LRRC8C: variants seen among roughly 807,000 people sequenced by gnomAD.
The protein encoded by LRRC8C is volume-regulated anion channel subunit LRRC8C.
In LRRC8C, 20 loss-of-function variants were observed where a neutral mutation model predicts 55.3. The ratio of observed to expected loss-of-function variants is 0.36; its 90% CI spans 0.25 to 0.53. The LOEUF (loss-of-function observed/expected upper bound fraction) is 0.53. Ranked by LOEUF, LRRC8C falls within the 20% of genes least tolerant of loss-of-function variation. The pLI is 0.92. For synonymous variants in LRRC8C, 376 were observed against 360.7 expected (o/e 1.04, Z -0.48); for missense variants, 659 against 951.4 (o/e 0.69, Z 4.04).
rs1658750160 is a variant in LRRC8C at position 89,714,389 on chromosome 1, G to A, written c.1819G>A (p.Ala607Thr). ...CTGTGACCTGGAGCGTATTCCTCATGCTGTGTTCAGCCTACTCAGCCTCCA... is the reference window on the plus strand; with the variant it reads ...CTGTGACCTGGAGCGTATTCCTCATACTGTGTTCAGCCTACTCAGCCTCCA... ...VHCDLERIPH[A>T]VFSLLSLQEL... is the part of the protein sequence containing the mutation. The change falls in exon 3 of 3, where the codon GCT becomes ACT. Residue 607 changes from alanine to threonine, a missense_variant. Ala to Thr is a moderately conservative substitution (Grantham distance 58). Coordinates refer to ENST00000370454, the MANE Select transcript of LRRC8C (RefSeq NM_032270.5). The surrounding 1 kb of genome is among the most constrained non-coding windows in gnomAD (Gnocchi z 4.6). The A allele has an allele frequency of 6.2e-7, 1 of 1,614,014 alleles. No homozygotes were observed. Among genetic ancestry groups the A allele is most frequent in the Non-Finnish European group, 8.5e-7 (1 of 1,180,030 alleles).
rs1396516991 is a variant in LRRC8C, at chr1:89,713,347, T to C, written c.777T>C (p.Tyr259=). ...RLHVEEGDIL[Y]AMYVRQTVLK... ...ATGTGGAAGAAGGTGATATTCTATA[T>C]GCCATGTATGTTCGCCAGACTGTAC... Residue 259 remains tyrosine, a synonymous_variant, in exon 3 of 3, where the codon TAT becomes TAC. Coordinates refer to ENST00000370454, the MANE Select transcript of LRRC8C (RefSeq NM_032270.5). The surrounding 1 kb of genome is among the most constrained non-coding windows in gnomAD (Gnocchi z 5.2). The C allele has an allele frequency of 1.9e-6, 3 of 1,614,248 alleles. No homozygotes were observed. The highest frequency in any genetic ancestry group is 1.7e-5 in the Admixed American group (1 of 60,034).
rs1237569915 is a variant in LRRC8C, at chr1:89,717,205, C to T, written c.*2223C>T. ...CCATGGTTGAGCATGACAAAAATACCTCGTCGAAAGGCAAGCTTAGGTAAC... is the reference window on the plus strand; with the variant it reads ...CCATGGTTGAGCATGACAAAAATACTTCGTCGAAAGGCAAGCTTAGGTAAC... On this transcript the variant is annotated 3_prime_UTR_variant, in exon 3 of 3. Coordinates refer to ENST00000370454, the MANE Select transcript of LRRC8C (RefSeq NM_032270.5). The T allele has an allele frequency of 6.6e-6, 1 of 151,980 alleles. No homozygotes were observed. Among genetic ancestry groups the T allele is most frequent in the Non-Finnish European group, 1.5e-5 (1 of 67,988 alleles). 9.4% of individuals were successfully genotyped at this position (151,980 alleles called of 1,614,324 possible).
intron 1 of LRRC8C, among the ~76,000 whole-genome samples, chr1:89,662,875 A>G (rs1657156274): frequency 6.6e-6 from 1 of 152,048 alleles, no homozygotes; most frequent in African/African-American, 2.4e-5. Context: ...CAGAACCTGC[A>G]GGTTTGTTAC....
chr1:89,689,593 T>C (rs897679138), intron 2 of LRRC8C, among the ~76,000 whole-genome samples: 1 of 152,118 alleles, frequency 6.6e-6, no homozygotes, highest in East Asian at 1.9e-4. Context: ...TGCATGTATT[T>C]TGAAGGAAAA....
At chr1:89,633,538 A>G (rs1157227169) in intron 1 of LRRC8C, among the ~76,000 whole-genome samples, 2 of 151,978 alleles carry the variant, frequency 1.3e-5, no homozygotes, top group African/African-American at 4.8e-5. Context: ...CCCCTACCCC[A>G]CCCAATCCGC....
At chr1:89,667,433 A>G (rs761651924) in intron 1 of LRRC8C, among the ~76,000 whole-genome samples, 2 of 152,138 alleles carry the variant, frequency 1.3e-5, no homozygotes, top group Non-Finnish European at 2.9e-5. Context: ...CAGCTTCTCA[A>G]CTTAAAAATA....
chr1:89,629,854 G>A (rs1016494686), upstream of LRRC8C: 1 of 152,220 alleles, frequency 6.6e-6, no homozygotes, highest in Admixed American at 6.5e-5. Flanking sequence ...CATAGAGAAG[G>A]TGACTTTTAA....
intron 1 of LRRC8C, among the ~76,000 whole-genome samples, chr1:89,645,640 C>T (rs1284191032): frequency 2.0e-5 from 3 of 152,028 alleles, no homozygotes; most frequent in African/African-American, 7.2e-5. Flanking sequence ...AATTAAAATA[C>T]ATGTCATAGA....
the LRRC8C span, among the ~76,000 whole-genome samples, chr1:89,621,331 T>C: frequency 2.1e-5 from 3 of 145,096 alleles, no homozygotes; most frequent in Non-Finnish European, 4.5e-5. Flanking sequence ...TAGCCAGGCG[T>C]GGTGGCAGGC....
intron 1 of LRRC8C, among the ~76,000 whole-genome samples, chr1:89,666,364 T>C (rs1391909655): frequency 6.6e-6 from 1 of 151,946 alleles, no homozygotes; most frequent in Admixed American, 6.6e-5. Flanking sequence ...CGTATACATA[T>C]GTAACAAACC....
chr1:89,621,973 T>C, the LRRC8C span, among the ~76,000 whole-genome samples: 1 of 152,168 alleles, frequency 6.6e-6, no homozygotes, highest in Non-Finnish European at 1.5e-5. Flanking sequence ...TTAATGGTCC[T>C]GAAATATATT....
At chr1:89,711,804 AAAC>A (rs1249216002) in intron 2 of LRRC8C, among the ~76,000 whole-genome samples, 23 of 152,242 alleles carry the variant, frequency 1.5e-4, no homozygotes, top group South Asian at 2.1e-4. Context: ...TAGCAAATCT[AAAC>A]AATTATTTTA....
In LRRC8C at chr1:89,717,859, T is replaced by C. The variant is rs760905299; in HGVS notation, c.*2877T>C. The C allele has an allele frequency of 2.6e-5, 4 of 152,148 alleles. No individual in the cohort carries two copies. Among genetic ancestry groups the C allele is most frequent in the Non-Finnish European group, 4.4e-5 (3 of 68,004 alleles). 9.4% of individuals were successfully genotyped at this position (152,148 alleles called of 1,614,324 possible). A position where few individuals can be genotyped will look rare whatever the true frequency, so the allele number is the denominator to read the frequency against. ...TATAGCTCTATTTCCCCAATCTCTATAGGACTCATGAGAGATTGCTTGTGT... is the reference window on the plus strand; with the variant it reads ...TATAGCTCTATTTCCCCAATCTCTACAGGACTCATGAGAGATTGCTTGTGT... On this transcript the variant is annotated 3_prime_UTR_variant, in exon 3 of 3. Transcript: ENST00000370454.
intron 2 of LRRC8C, among the ~76,000 whole-genome samples, chr1:89,705,716 G>A (rs894934998): frequency 6.6e-6 from 1 of 152,000 alleles, no homozygotes; most frequent in South Asian, 2.1e-4. Flanking sequence ...GGAGGTGGAG[G>A]TTGCAGTGAG....
At chr1:89,676,475 G>A (rs1254152768) in intron 1 of LRRC8C, 1 of 152,174 alleles carries the variant, frequency 6.6e-6, no homozygotes, top group East Asian at 1.9e-4. Context: ...GGAGCTATTT[G>A]GTAATAGTCT....
chr1:89,669,211 G>A (rs556681940), intron 1 of LRRC8C, among the ~76,000 whole-genome samples: 47 of 152,158 alleles, frequency 3.1e-4, no homozygotes, highest in Middle Eastern at 6.8e-3. Context: ...GATTCCATAT[G>A]TGAAGTATCT....
At chr1:89,651,437 G>A (rs6674491) in intron 1 of LRRC8C, among the ~76,000 whole-genome samples, 55,944 of 150,890 alleles carry the variant, frequency 0.37, 11,495 homozygotes, top group South Asian at 0.56. Context: ...GCATGGTGGC[G>A]GGCGCCTCTA....
At chr1:89,651,011 GA>G (rs925199237) in intron 1 of LRRC8C, among the ~76,000 whole-genome samples, 156 of 151,926 alleles carry the variant, frequency 1.0e-3, no homozygotes, top group Non-Finnish European at 4.6e-4. Context: ...CCATATCTCA[GA>G]AAAAAAATAA....
At chr1:89,699,395 A>G (rs935056915) in intron 2 of LRRC8C, among the ~76,000 whole-genome samples, 2 of 152,184 alleles carry the variant, frequency 1.3e-5, no homozygotes, top group African/African-American at 4.8e-5. Context: ...TGATGTGTCA[A>G]TGTAGGTTCA....
Sources: gnomAD v4.1 joint callset for allele counts (sites outside exome capture counted in the v4.1 genomes callset) on GRCh38, gnomAD v4.1.1 for gene constraint, Gnocchi (gnomAD v3.1) non-coding constraint, MANE v1.5 for transcripts, NCBI Gene and HGNC (gene_info 2026-07-23, HGNC 2026-07-21) for gene names.